Variants in ROCK1 observed in about 807,000 individuals in gnomAD.
ROCK1 encodes the protein rho-associated protein kinase 1.
A neutral mutation model predicts 196.8 loss-of-function variants in ROCK1; 36 were observed. The observed-to-expected ratio is 0.18, with a 90% confidence interval of 0.14 to 0.24. The LOEUF is 0.24. Ranked by LOEUF, ROCK1 falls within the 10% of genes least tolerant of loss-of-function variation. ROCK1 has a pLI of 1.00. For missense variants in ROCK1, 920 were observed against 1,562.0 expected, an observed-to-expected ratio of 0.59 and a Z score of 6.93; for synonymous variants, 443 against 515.9, an observed-to-expected ratio of 0.86 and a Z score of 1.91.
chr18:21,004,730 A>T (rs2035754162), intron 16 of ROCK1, among the ~76,000 whole-genome samples: 1 of 152,208 alleles, frequency 6.6e-6, no homozygotes, highest in South Asian at 2.1e-4. Flanking sequence ...CAGATAAAGA[A>T]GGGAGATGAA....
intron 1 of ROCK1, among the ~76,000 whole-genome samples, chr18:21,104,897 CTCAATTT>C (rs2036690802): frequency 6.6e-6 from 1 of 152,174 alleles, no homozygotes; most frequent in African/African-American, 2.4e-5. Context: ...TAATAAATGT[CTCAATTT>C]TCAGTTACAA....
At chr18:21,104,248 G>A (rs2036683770) in intron 1 of ROCK1, among the ~76,000 whole-genome samples, 1 of 152,140 alleles carries the variant, frequency 6.6e-6, no homozygotes, top group South Asian at 2.1e-4. Context: ...ATCTAAAACT[G>A]AGAATTTACT....
At chr18:21,073,540 T>TA (rs1261764057) in intron 1 of ROCK1, among the ~76,000 whole-genome samples, 2 of 152,232 alleles carry the variant, frequency 1.3e-5, no homozygotes, top group African/African-American at 4.8e-5. Flanking sequence ...CCATTAAAAG[T>TA]AACACATTAT....
chr18:21,006,885 A>G (rs2035773557), intron 14 of ROCK1, 95 bp from the exon 15 acceptor site: 2 of 868,078 alleles, frequency 2.3e-6, no homozygotes, highest in Admixed American at 3.2e-5. Flanking sequence ...GTCTTAGGCC[A>G]TAATAGTCAG....
intron 1 of ROCK1, among the ~76,000 whole-genome samples, chr18:21,096,325 C>T (rs1464844417): frequency 3.3e-5 from 5 of 152,048 alleles, no homozygotes; most frequent in East Asian, 3.9e-4. Context: ...CTCAGCCTCC[C>T]GAGTGGCTGG....
In ROCK1 at chr18:21,065,332, T is replaced by C. The variant is rs150791583; in HGVS notation, c.175+5200A>G. On this transcript the variant is annotated intron_variant, in intron 2 of 32. Coordinates refer to ENST00000399799, the MANE Select transcript of ROCK1 (RefSeq NM_005406.3). ...CTTTTGTAATCTATATTATAAAAGATATAGTATATGACATAAAATATCAGT... is the reference window on the plus strand; with the variant it reads ...CTTTTGTAATCTATATTATAAAAGACATAGTATATGACATAAAATATCAGT... Among the ~76,000 whole-genome samples, 1,211 of 152,276 alleles carry C rather than the reference T, an allele frequency of 8.0e-3. 16 individuals are homozygous for C. The highest frequency in any genetic ancestry group is 0.027 in the African/African-American group (1,141 of 41,560).
chr18:20,986,593 T>C (rs2035580158), intron 19 of ROCK1, among the ~76,000 whole-genome samples: 3 of 152,234 alleles, frequency 2.0e-5, no homozygotes. Flanking sequence ...TAAACACTTT[T>C]ATTGAAATCT....
At chr18:21,017,186 CTTTTTTTTTTTT>C (rs774542704) in intron 12 of ROCK1, among the ~76,000 whole-genome samples, 3 of 99,090 alleles carry the variant, frequency 3.0e-5, no homozygotes, top group Non-Finnish European at 5.7e-5. Flanking sequence ...TACCACACTT[CTTTTTTTTTTTT>C]TTTTTTTTTT....
intron 9 of ROCK1, among the ~76,000 whole-genome samples, chr18:21,035,056 T>C (rs2036044862): frequency 6.6e-6 from 1 of 152,126 alleles, no homozygotes; most frequent in Non-Finnish European, 1.5e-5. Context: ...ATTAGAGAAA[T>C]GCTAATCAAA....
At chr18:21,098,301 A>C (rs1299738030) in intron 1 of ROCK1, among the ~76,000 whole-genome samples, 1 of 152,260 alleles carries the variant, frequency 6.6e-6, no homozygotes, top group East Asian at 1.9e-4. Context: ...TAATATATGA[A>C]GAAAGTGGCA....
intron 12 of ROCK1, among the ~76,000 whole-genome samples, chr18:21,019,487 C>T (rs2035893642): frequency 6.6e-6 from 1 of 152,122 alleles, no homozygotes; most frequent in Admixed American, 6.6e-5. Flanking sequence ...ATTAGCATTA[C>T]AGTTTTTTAA....
At chr18:21,017,295 C>T (rs1598529639) in intron 12 of ROCK1, among the ~76,000 whole-genome samples, 1 of 150,966 alleles carries the variant, frequency 6.6e-6, no homozygotes, top group East Asian at 2.0e-4. Flanking sequence ...GGGTTCATGC[C>T]ATTCTCCTGC....
At chr18:20,980,044 G>A in intron 21 of ROCK1, 40 bp from the exon 22 acceptor site, 3 of 1,471,790 alleles carry the variant, frequency 2.0e-6, no homozygotes, top group South Asian at 1.4e-5. Context: ...TGTTTATGGT[G>A]GGTTAAAAAC....
intron 1 of ROCK1, among the ~76,000 whole-genome samples, chr18:21,082,437 A>T (rs1287310772): frequency 6.6e-6 from 1 of 152,190 alleles, no homozygotes; most frequent in Non-Finnish European, 1.5e-5. Flanking sequence ...TGCCCAATAA[A>T]ATAACAGCAA....
At chr18:21,027,596 T>A (rs1235156470) in intron 10 of ROCK1, among the ~76,000 whole-genome samples, 2 of 152,070 alleles carry the variant, frequency 1.3e-5, no homozygotes, top group East Asian at 3.9e-4. Flanking sequence ...AACAATCCTA[T>A]GAGGTAAGTA....
At chr18:20,965,343 C>T (rs564999014) in intron 27 of ROCK1, among the ~76,000 whole-genome samples, 7 of 152,122 alleles carry the variant, frequency 4.6e-5, no homozygotes, top group East Asian at 3.9e-4. Flanking sequence ...ACCAAGATCA[C>T]GCCACTGCAC....
At chr18:21,083,065 C>T (rs1021393025) in intron 1 of ROCK1, among the ~76,000 whole-genome samples, 24 of 152,226 alleles carry the variant, frequency 1.6e-4, no homozygotes, top group Middle Eastern at 3.4e-3. Context: ...ATAATCCAAA[C>T]AGAAACTTAA....
intron 2 of ROCK1, among the ~76,000 whole-genome samples, chr18:21,053,678 T>A (rs1461583445): frequency 6.6e-6 from 1 of 151,964 alleles, no homozygotes; most frequent in African/African-American, 2.4e-5. Flanking sequence ...TTACAAAAAA[T>A]TTAAAAATTA....
intron 10 of ROCK1, 21 bp from the exon 11 acceptor site, chr18:21,023,701 A>C: frequency 7.0e-7 from 1 of 1,420,634 alleles, no homozygotes; most frequent in Non-Finnish European, 9.7e-7. Flanking sequence ...GAAAAGTTTA[A>C]AAAGAAAAGA....
Sources: gnomAD v4.1 joint callset for allele counts (sites outside exome capture counted in the v4.1 genomes callset) on GRCh38, gnomAD v4.1.1 for gene constraint, MANE v1.5 for transcripts, NCBI Gene and HGNC (gene_info 2026-07-23, HGNC 2026-07-21) for gene names.